The following HS6ST3 variants were observed in gnomAD, a reference collection of about 807,000 sequenced individuals.
HS6ST3 encodes heparan sulfate 6-O-sulfotransferase 3.
HS6ST3 carries 12 observed loss-of-function variants against 36.7 expected under a neutral mutation model. The observed-to-expected ratio is 0.33, with a 90% CI of 0.21 to 0.53. HS6ST3 has a LOEUF of 0.53. Among genes scored for constraint, HS6ST3 ranks in the 20% least tolerant of loss-of-function variants. The pLI is 0.95. For missense variants in HS6ST3, 584 were observed against 640.9 expected, an observed-to-expected ratio of 0.91 and a Z score of 0.96; for synonymous variants, 240 against 257.5, an observed-to-expected ratio of 0.93 and a Z score of 0.65.
At chr13:96,253,551 C>T (rs1368273466) in intron 1 of HS6ST3, among the ~76,000 whole-genome samples, 3 of 152,180 alleles carry the variant, frequency 2.0e-5, no homozygotes, top group Non-Finnish European at 4.4e-5. Context: ...AAAGTACTCT[C>T]ATCCATGAGT....
intron 1 of HS6ST3, among the ~76,000 whole-genome samples, chr13:96,740,343 G>T (rs534046473): frequency 6.6e-6 from 1 of 152,218 alleles, no homozygotes; most frequent in Admixed American, 6.5e-5. Flanking sequence ...GAACACAAAG[G>T]CTCCTCTCTG....
At chr13:96,532,678 T>A (rs144569195) in intron 1 of HS6ST3, among the ~76,000 whole-genome samples, 1 of 152,302 alleles carries the variant, frequency 6.6e-6, no homozygotes, top group Non-Finnish European at 1.5e-5. Flanking sequence ...TTCCTAATAG[T>A]ACTAGGAACC....
rs1430433751 is a variant in HS6ST3, at chr13:96,786,699, A to G, written c.708-45791A>G. ...CATTACAAATTTAGGATAATTATAC[A>G]TATGATTGTAAAAGACTTAATTTTT... On this transcript the variant is annotated intron_variant, in intron 1 of 1. Coordinates refer to ENST00000376705, the MANE Select transcript of HS6ST3 (RefSeq NM_153456.4). Among the ~76,000 whole-genome samples the G allele has an allele frequency of 2.6e-5, 4 of 152,210 alleles. No homozygotes were observed. The East Asian group carries it at 7.7e-4, about 29-fold the overall frequency.
At chr13:96,515,323 T>A (rs2056067981) in intron 1 of HS6ST3, among the ~76,000 whole-genome samples, 1 of 152,204 alleles carries the variant, frequency 6.6e-6, no homozygotes, top group South Asian at 2.1e-4. Flanking sequence ...ACTTTCTAAG[T>A]CCAAATTGTG....
At chr13:96,453,599 G>T (rs2139486919) in intron 1 of HS6ST3, among the ~76,000 whole-genome samples, 1 of 152,252 alleles carries the variant, frequency 6.6e-6, no homozygotes, top group Non-Finnish European at 1.5e-5. Context: ...TACACCCATG[G>T]TGTCCTTTCA....
At chr13:96,822,992 C>A (rs558878634) in intron 1 of HS6ST3, among the ~76,000 whole-genome samples, 75 of 152,310 alleles carry the variant, frequency 4.9e-4, no homozygotes, top group Middle Eastern at 3.4e-3. Context: ...GTCACAAGCT[C>A]TAACCAGACT....
chr13:96,607,669 G>T (rs1222430657), intron 1 of HS6ST3, among the ~76,000 whole-genome samples: 1 of 152,116 alleles, frequency 6.6e-6, no homozygotes, highest in Non-Finnish European at 1.5e-5. Context: ...TAGTCATATT[G>T]GTGGTGGTAT....
At chr13:96,159,988 A>G (rs1019225595) in intron 1 of HS6ST3, among the ~76,000 whole-genome samples, 1 of 152,204 alleles carries the variant, frequency 6.6e-6, no homozygotes, top group Non-Finnish European at 1.5e-5. Context: ...TCTCATTTGT[A>G]AAATGCAGTA....
chr13:96,217,714 TTAA>T (rs1480836750), intron 1 of HS6ST3, among the ~76,000 whole-genome samples: 3 of 152,210 alleles, frequency 2.0e-5, no homozygotes, highest in Admixed American at 2.0e-4. Flanking sequence ...ATCTATACTG[TTAA>T]TAACTGTTAT....
At chr13:96,655,394 G>A (rs2056621301) in intron 1 of HS6ST3, among the ~76,000 whole-genome samples, 1 of 152,112 alleles carries the variant, frequency 6.6e-6, no homozygotes, top group South Asian at 2.1e-4. Flanking sequence ...CATATTTCCA[G>A]GAGGGGGATT....
At chr13:96,524,729 A>G (rs1215556803) in intron 1 of HS6ST3, among the ~76,000 whole-genome samples, 1 of 152,230 alleles carries the variant, frequency 6.6e-6, no homozygotes, top group East Asian at 1.9e-4. Context: ...GTATTTGGGC[A>G]GGAGTGTACC....
intron 1 of HS6ST3, among the ~76,000 whole-genome samples, chr13:96,593,380 G>C (rs182550654): frequency 2.6e-5 from 4 of 150,946 alleles, no homozygotes; most frequent in Non-Finnish European, 1.5e-5. Flanking sequence ...ATTTTTAGTA[G>C]AGATGGGGTG....
chr13:96,204,593 G>A (rs1009661815), intron 1 of HS6ST3, among the ~76,000 whole-genome samples: 5 of 151,948 alleles, frequency 3.3e-5, no homozygotes, highest in South Asian at 2.1e-4. Flanking sequence ...TCACATAATC[G>A]GAAATAAAAC....
chr13:96,239,681 AG>A (rs1566298143), intron 1 of HS6ST3, among the ~76,000 whole-genome samples: 2 of 152,296 alleles, frequency 1.3e-5, no homozygotes, highest in South Asian at 2.1e-4. Context: ...TCACACAAAG[AG>A]TTTATATATA....
At chr13:96,748,006 G>C (rs1566444343) in intron 1 of HS6ST3, among the ~76,000 whole-genome samples, 1 of 152,046 alleles carries the variant, frequency 6.6e-6, no homozygotes, top group Non-Finnish European at 1.5e-5. Flanking sequence ...CTGTAGGTCT[G>C]TCTCACTTCA....
intron 1 of HS6ST3, among the ~76,000 whole-genome samples, chr13:96,515,911 A>G (rs966235925): frequency 1.3e-5 from 2 of 152,138 alleles, no homozygotes; most frequent in Non-Finnish European, 2.9e-5. Flanking sequence ...TACTATTCAG[A>G]CTCCCTAAAG....
intron 1 of HS6ST3, among the ~76,000 whole-genome samples, chr13:96,460,440 C>A (rs1308382786): frequency 1.3e-5 from 2 of 151,994 alleles, no homozygotes; most frequent in African/African-American, 4.8e-5. Context: ...TCTCAGAGTT[C>A]GTATATTTTC....
chr13:96,608,246 A>G (rs1441678451), intron 1 of HS6ST3, among the ~76,000 whole-genome samples: 4 of 152,260 alleles, frequency 2.6e-5, no homozygotes, highest in Non-Finnish European at 5.9e-5. Flanking sequence ...ACCACTAAGT[A>G]TCTAAATAGT....
intron 1 of HS6ST3, among the ~76,000 whole-genome samples, chr13:96,662,856 G>T (rs533024045): frequency 1.3e-5 from 2 of 152,116 alleles, no homozygotes; most frequent in South Asian, 2.1e-4. Flanking sequence ...AGCAAGTTTT[G>T]TGTTGGGTTG....
Sources: allele counts gnomAD v4.1 joint callset (sites outside exome capture counted in the v4.1 genomes callset), GRCh38; gene constraint gnomAD v4.1.1; transcripts MANE v1.5; gene names NCBI Gene and HGNC (gene_info 2026-07-23, HGNC 2026-07-21).